RASGRP4: variants seen among roughly 807,000 people sequenced by gnomAD.
RASGRP4 encodes RAS guanyl-releasing protein 4.
RASGRP4 carries 52 observed loss-of-function variants against 84.4 expected under a neutral mutation model. The ratio of observed to expected loss-of-function variants is 0.62; its 90% CI spans 0.49 to 0.78. The LOEUF (loss-of-function observed/expected upper bound fraction) is 0.78, where lower values mean the gene tolerates loss of function less well. Among genes scored for constraint, RASGRP4 ranks in the 30% least tolerant of loss-of-function variants. The probability of loss-of-function intolerance (pLI) is 0.00; values close to 1 mark genes in which losing one functional copy is unlikely to be tolerated. For missense variants in RASGRP4, 760 were observed against 886.9 expected (o/e 0.86, Z 1.82); for synonymous variants, 356 against 359.1 (o/e 0.99, Z 0.10).
Position 38,419,917 on chromosome 19 carries a change from C to A in RASGRP4, c.606G>T (p.Thr202=). ...AGGTGAGGTGCTGAGCCAGCTCCCC[C>A]GTCTCCAAGTGGTCGAAAAGCAAGG... The part of the protein sequence containing the change: ...KVSLLFDHLE[T]GELAQHLTYL... The change falls in exon 6 of 17, where the codon ACG becomes ACT. Residue 202 remains threonine, a synonymous_variant. Coordinates refer to ENST00000615439, the MANE Select transcript of RASGRP4 (RefSeq NM_170604.3). 1 of 1,612,274 alleles carries A rather than the reference C, an allele frequency of 6.2e-7. No individual in the cohort carries two copies. The highest frequency in any genetic ancestry group is 1.1e-5 in the South Asian group (1 of 90,726).
Position 38,413,002 on chromosome 19 carries a change from C to T in RASGRP4, c.1464G>A (p.Gln488=). ...YDPEGRGTIS[Q]EDFERLSGNF... ...TGCCCGAGAGTCGCTCAAAGTCCTCCTGAGAGATTGTTCCTCGGCCTTCAG... is the reference window on the plus strand; with the variant it reads ...TGCCCGAGAGTCGCTCAAAGTCCTCTTGAGAGATTGTTCCTCGGCCTTCAG... The change falls in exon 12 of 17, where the codon CAG becomes CAA. Residue 488 remains glutamine, a synonymous_variant. Transcript: ENST00000615439. This position sits in a 1 kb window ranked among gnomAD's most constrained non-coding sequence, Gnocchi z 4.7. The T allele has an allele frequency of 6.2e-7, 1 of 1,614,044 alleles. No homozygotes were observed. Among genetic ancestry groups the T allele is most frequent in the African/African-American group, 1.3e-5 (1 of 75,062 alleles).
Position 38,414,887 on chromosome 19 carries a change from T to G in RASGRP4, c.1191A>C (p.Pro397=). The change falls in exon 9 of 17, where the codon CCA becomes CCC. Residue 397 remains proline, a synonymous_variant. Coordinates refer to ENST00000615439, the MANE Select transcript of RASGRP4 (RefSeq NM_170604.3). ...QELVALQGQH[P]PCSANEDLLH... ...GCAGATCCTCATTGGCGCTGCAGGG[T>G]GGATGCTGCCCTTGGAGGGCCACCA... 3.7e-6 allele frequency: 6 copies of G among 1,604,610 alleles called. No individual in the cohort carries two copies. Among genetic ancestry groups the G allele is most frequent in the Non-Finnish European group, 5.1e-6 (6 of 1,176,074 alleles).
chr19:38,423,838 A>AAAT (rs935327802), intron 1 of RASGRP4, among the ~76,000 whole-genome samples: 33 of 151,706 alleles, frequency 2.2e-4, no homozygotes, highest in East Asian at 1.4e-3. Context: ...CTTAGTCTCA[A>AAAT]AATAATAATA....
In RASGRP4 at chr19:38,415,046, C is replaced by T. The variant is rs760898847; in HGVS notation, c.1032G>A (p.Ala344=). 3.9e-5 allele frequency: 62 copies of T among 1,606,556 alleles called. 1 individual carries two copies. The highest frequency in any genetic ancestry group is 3.6e-4 in the South Asian group (32 of 90,102). Residue 344 remains alanine, a synonymous_variant, in exon 9 of 17, where the codon GCG becomes GCA. Transcript: ENST00000615439. ...ARYRRTWAGC[A]GFRLPVLGVH... is the part of the protein sequence containing the mutation. ...CGCCCAGTACAGGCAGCCGGAAACC[C>T]GCGCAGCCAGCCCAGGTGCGGCGGT...
chr19:38,417,899 G>A lies in RASGRP4; in HGVS notation c.837+492C>T, dbSNP rs552112439. ...GGGCGCGGCCACAGCGGGGCCGTAG[G>A]GCTTCCCTTTTCCCCAGAAGGGCGA... On this transcript the variant is annotated intron_variant, in intron 7 of 16. Transcript: ENST00000615439. The surrounding 1 kb of genome is among the most constrained non-coding windows in gnomAD (Gnocchi z 5.1). Among the ~76,000 whole-genome samples, 1 of 152,134 alleles carries A rather than the reference G, an allele frequency of 6.6e-6. No individual in the cohort carries two copies. Among genetic ancestry groups the A allele is most frequent in the African/African-American group, 2.4e-5 (1 of 41,422 alleles).
intron 13 of RASGRP4, among the ~76,000 whole-genome samples, chr19:38,411,978 T>G (rs1200686958): frequency 6.6e-6 from 1 of 152,196 alleles, no homozygotes; most frequent in Non-Finnish European, 1.5e-5. Context: ...AGTTTGAGGA[T>G]CTCTTGAATT....
In RASGRP4 at chr19:38,417,013, C is replaced by G; in HGVS notation, c.954+39G>C. 1 of 1,259,966 alleles carries G rather than the reference C, an allele frequency of 7.9e-7. No homozygotes were observed. Among genetic ancestry groups the G allele is most frequent in the Non-Finnish European group, 1.1e-6 (1 of 880,460 alleles). The allele number at this position is 1,259,966 out of a possible 1,614,324, so 78.0% of individuals were successfully genotyped here. A position where few individuals can be genotyped will look rare whatever the true frequency, so the allele number is the denominator to read the frequency against. On this transcript the variant is annotated intron_variant, in intron 8 of 16. Transcript: ENST00000615439. The surrounding 1 kb of genome is among the most constrained non-coding windows in gnomAD (Gnocchi z 5.1). ...AATTAGGTGTGGGGGCTCAAGACAGCTGACCACTTGGAGCTTTGGGGAGGG... is the reference window on the plus strand; with the variant it reads ...AATTAGGTGTGGGGGCTCAAGACAGGTGACCACTTGGAGCTTTGGGGAGGG...
chr19:38,414,567 C>T (rs1391464065), intron 9 of RASGRP4, among the ~76,000 whole-genome samples: 1 of 152,182 alleles, frequency 6.6e-6, no homozygotes, highest in Non-Finnish European at 1.5e-5. Context: ...CTCAGGTGAT[C>T]TGCCCACCTC....
chr19:38,412,086 G>T lies in RASGRP4; in HGVS notation c.1680+586C>A, dbSNP rs12974003. ...CCCGGTTTGGAGATTATCCAGGTTTGTTGTTGTTGTTGTTGTTGTTGTTGT... is the reference window on the plus strand; with the variant it reads ...CCCGGTTTGGAGATTATCCAGGTTTTTTGTTGTTGTTGTTGTTGTTGTTGT... On this transcript the variant is annotated intron_variant, in intron 13 of 16. Coordinates refer to ENST00000615439, the MANE Select transcript of RASGRP4 (RefSeq NM_170604.3). This position sits in a 1 kb window ranked among gnomAD's most constrained non-coding sequence, Gnocchi z 4.6. Among the ~76,000 whole-genome samples, 21 of 21,298 alleles carry T rather than the reference G, an allele frequency of 9.9e-4. No homozygotes were observed. Among genetic ancestry groups the T allele is most frequent in the Middle Eastern group, 0.018 (1 of 56 alleles). 14.0% of individuals were successfully genotyped at this position (21,298 alleles called of 152,430 possible).
chr19:38,415,061 G>C lies in RASGRP4; in HGVS notation c.1017C>G (p.Thr339=), dbSNP rs144576724. 3.8e-4 allele frequency: 612 copies of C among 1,605,208 alleles called. 2 individuals carry two copies. In the African/African-American group the frequency reaches 7.3e-3, roughly 19 times the overall value. The change falls in exon 9 of 17, where the codon ACC becomes ACG. Residue 339 remains threonine (T), a synonymous_variant. Transcript: ENST00000615439. ...SHNNYARYRR[T]WAGCAGFRLP... is the part of the protein sequence containing the mutation. Reference sequence around the variant, plus strand: ...GCCGGAAACCCGCGCAGCCAGCCCAGGTGCGGCGGTAGCGGGCGTAGTTGT... The same window carrying C: ...GCCGGAAACCCGCGCAGCCAGCCCACGTGCGGCGGTAGCGGGCGTAGTTGT...
chr19:38,417,877 C>T lies in RASGRP4; in HGVS notation c.837+514G>A, dbSNP rs1392093484. ...GTCTGCGTGGAAATACGCAAGGGGG[C>T]GCGGCCACAGCGGGGCCGTAGGGCT... is the stretch of plus-strand genomic sequence containing the variant. On this transcript the variant is annotated intron_variant, in intron 7 of 16. Transcript: ENST00000615439. The surrounding 1 kb of genome is among the most constrained non-coding windows in gnomAD (Gnocchi z 5.1). Among the ~76,000 whole-genome samples, 1 of 151,886 alleles carries T rather than the reference C, an allele frequency of 6.6e-6. No homozygotes were observed. The highest frequency in any genetic ancestry group is 1.5e-5 in the Non-Finnish European group (1 of 67,990).
intron 2 of RASGRP4, among the ~76,000 whole-genome samples, 200 bp downstream of exon 2, chr19:38,421,769 A>G (rs1435716446): frequency 6.8e-6 from 1 of 147,424 alleles, no homozygotes; most frequent in Non-Finnish European, 1.5e-5. Flanking sequence ...ATATACACAT[A>G]TATTATATAT....
rs1382141443 is a variant in RASGRP4, at chr19:38,413,885, GA to G, written c.1231-412del. Among the ~76,000 whole-genome samples the G allele has an allele frequency of 6.6e-6, 1 of 152,086 alleles. No individual in the cohort carries two copies. The highest frequency in any genetic ancestry group is 1.5e-5 in the Non-Finnish European group (1 of 67,998). On this transcript the variant is annotated intron_variant, in intron 9 of 16. Transcript: ENST00000615439. This position sits in a 1 kb window ranked among gnomAD's most constrained non-coding sequence, Gnocchi z 4.7. ...TACTTGAGTCATTGGAGGAAGTGGG[GA>G]AAAAACATGTTACTTAAATAGAATA...
rs543221327 is a variant in RASGRP4 at position 38,421,982 on chromosome 19, G to A, written c.195C>T (p.Cys65=). ...GCSEDELLEK[C]IQSFDSAGSL... is the part of the protein sequence containing the mutation. ...GAGGACACTTACCGAAGGACTGGAT[G>A]CATTTCTCCAGCAGCTCATCTTCGC... Residue 65 remains cysteine, a synonymous_variant, in exon 2 of 17, where the codon TGC becomes TGT. Transcript: ENST00000615439. 2.2e-5 allele frequency: 35 copies of A among 1,611,776 alleles called. No homozygotes were observed. The East Asian group carries it at 5.4e-4, about 25-fold the overall frequency.
chr19:38,420,316 C>T, intron 4 of RASGRP4, 54 bp from the exon 5 acceptor site: 6 of 1,584,896 alleles, frequency 3.8e-6, no homozygotes, highest in Non-Finnish European at 2.6e-6. Context: ...AAGGTCTCTA[C>T]AAGGGGTATT....
At position 38,412,649 on chromosome 19, in the gene RASGRP4, T is replaced by A; in HGVS notation, c.1680+23A>T. The A allele has an allele frequency of 3.7e-6, 6 of 1,606,498 alleles. No individual in the cohort carries two copies. In the Admixed American group the frequency reaches 8.4e-5, roughly 23 times the overall value. On this transcript the variant is annotated intron_variant, in intron 13 of 16. Coordinates refer to ENST00000615439, the MANE Select transcript of RASGRP4 (RefSeq NM_170604.3). This position sits in a 1 kb window ranked among gnomAD's most constrained non-coding sequence, Gnocchi z 4.6. ...CTTCAGGACAGATGGAACCTAAGGGTGGTGATGGGGTGGGGTGCTCACGAA... is the reference window on the plus strand; with the variant it reads ...CTTCAGGACAGATGGAACCTAAGGGAGGTGATGGGGTGGGGTGCTCACGAA...
chr19:38,422,688 C>T (rs1473016317), intron 1 of RASGRP4, among the ~76,000 whole-genome samples: 1 of 152,072 alleles, frequency 6.6e-6, no homozygotes, highest in African/African-American at 2.4e-5. Flanking sequence ...TCTCTCATCA[C>T]CCCCAGATGG....
At chr19:38,425,622 C>T (rs1195562902) in intron 1 of RASGRP4, among the ~76,000 whole-genome samples, 1 of 152,180 alleles carries the variant, frequency 6.6e-6, no homozygotes. Flanking sequence ...AGCCACTAGG[C>T]CCTGTCCTGC....
In RASGRP4 at chr19:38,418,337, A is replaced by G; in HGVS notation, c.837+54T>C. 1.3e-6 allele frequency: 2 copies of G among 1,546,748 alleles called. No individual in the cohort carries two copies. Among genetic ancestry groups the G allele is most frequent in the South Asian group, 2.4e-5 (2 of 84,628 alleles). On this transcript the variant is annotated intron_variant, in intron 7 of 16. Transcript: ENST00000615439. This position sits in a 1 kb window ranked among gnomAD's most constrained non-coding sequence, Gnocchi z 4.6. ...GTGGGGTCGAGGGTCTGGAAGGGGA[A>G]GGACCAGGTGGCTGCGTGCAGTGGA...
Sources: allele counts gnomAD v4.1 joint callset (sites outside exome capture counted in the v4.1 genomes callset), GRCh38; gene constraint gnomAD v4.1.1; non-coding constraint Gnocchi (gnomAD v3.1); transcripts MANE v1.5; gene names NCBI Gene and HGNC (gene_info 2026-07-23, HGNC 2026-07-21).